Variants in LRRIQ3 observed in about 807,000 individuals in gnomAD.
LRRIQ3 encodes leucine rich repeats and IQ motif containing 3, also known as leucine-rich repeat and IQ domain-containing protein 3.
In LRRIQ3, 75 loss-of-function variants were observed where a neutral mutation model predicts 59.3. That is an observed-to-expected ratio of 1.26 (90% confidence interval 1.05 to 1.53). LRRIQ3 has a LOEUF of 1.53. Ranked by LOEUF, LRRIQ3 falls within the 40% of genes most tolerant of loss-of-function variation. The probability of loss-of-function intolerance (pLI) is 0.00; values close to 1 mark genes in which losing one functional copy is unlikely to be tolerated. For synonymous variants in LRRIQ3, 250 were observed against 231.3 expected (o/e 1.08, Z -0.73); for missense variants, 831 against 710.0 (o/e 1.17, Z -1.94).
chr1:74,118,685 T>A (rs1180339890), intron 4 of LRRIQ3, among the ~76,000 whole-genome samples: 2 of 151,864 alleles, frequency 1.3e-5, no homozygotes, highest in Non-Finnish European at 2.9e-5. Context: ...AGAAAAAAAA[T>A]ATAGAGATAT....
At chr1:74,078,434 A>G (rs1646233615) in intron 5 of LRRIQ3, among the ~76,000 whole-genome samples, 1 of 152,088 alleles carries the variant, frequency 6.6e-6, no homozygotes, top group African/African-American at 2.4e-5. Flanking sequence ...AAGTAAATTA[A>G]GCAAATGAAG....
chr1:74,162,444 G>C (rs1248664308), intron 3 of LRRIQ3, among the ~76,000 whole-genome samples: 1 of 151,740 alleles, frequency 6.6e-6, no homozygotes, highest in Non-Finnish European at 1.5e-5. Context: ...TAGAATAATA[G>C]AAATTCTATA....
At chr1:74,174,210 T>C (rs1382879901) in intron 3 of LRRIQ3, among the ~76,000 whole-genome samples, 2 of 152,212 alleles carry the variant, frequency 1.3e-5, no homozygotes, top group East Asian at 3.9e-4. Flanking sequence ...CTTCACACTT[T>C]TTTTTTCTTT....
intron 4 of LRRIQ3, among the ~76,000 whole-genome samples, chr1:74,146,348 C>T (rs1451488650): frequency 1.3e-5 from 2 of 152,004 alleles, no homozygotes; most frequent in Admixed American, 1.3e-4. Context: ...TGATATGCCA[C>T]TATATATGTG....
chr1:74,099,021 A>C (rs991844157), intron 5 of LRRIQ3, among the ~76,000 whole-genome samples: 1 of 152,190 alleles, frequency 6.6e-6, no homozygotes, highest in Non-Finnish European at 1.5e-5. Flanking sequence ...AAACACATTC[A>C]AAAGCTAGCA....
At chr1:74,109,089 G>A (rs868025169) in intron 5 of LRRIQ3, 19 of 190,830 alleles carry the variant, frequency 1.0e-4, no homozygotes, top group African/African-American at 4.5e-4. Flanking sequence ...AAATATTTAT[G>A]TTTTCAATCA....
intron 3 of LRRIQ3, among the ~76,000 whole-genome samples, chr1:74,174,169 T>A (rs575369704): frequency 3.3e-5 from 5 of 152,268 alleles, no homozygotes; most frequent in Admixed American, 1.3e-4. Context: ...ATTGTTTTAC[T>A]TGATGGTGTC....
intron 4 of LRRIQ3, among the ~76,000 whole-genome samples, chr1:74,123,147 A>T (rs1646884263): frequency 6.6e-6 from 1 of 151,760 alleles, no homozygotes; most frequent in Admixed American, 6.6e-5. Flanking sequence ...TTATTTACTT[A>T]TTTTTAAATT....
chr1:74,147,610 G>T (rs1647660965), intron 4 of LRRIQ3, among the ~76,000 whole-genome samples: 1 of 152,050 alleles, frequency 6.6e-6, no homozygotes, highest in Non-Finnish European at 1.5e-5. Context: ...AATTTAAAAG[G>T]CATGTATTAT....
At chr1:74,066,001 A>T (rs1488809293) in intron 6 of LRRIQ3, among the ~76,000 whole-genome samples, 2 of 152,056 alleles carry the variant, frequency 1.3e-5, no homozygotes, top group Non-Finnish European at 2.9e-5. Context: ...AACCTGACCA[A>T]CATAGTGAAA....
chr1:74,138,993 A>G (rs905006915), intron 4 of LRRIQ3, among the ~76,000 whole-genome samples: 2 of 151,402 alleles, frequency 1.3e-5, no homozygotes, highest in African/African-American at 4.9e-5. Flanking sequence ...GAACAACATA[A>G]CAAGACCCTG....
chr1:74,098,069 T>C (rs1646473036), intron 5 of LRRIQ3, among the ~76,000 whole-genome samples: 1 of 152,124 alleles, frequency 6.6e-6, no homozygotes, highest in African/African-American at 2.4e-5. Flanking sequence ...TAACCTTAAA[T>C]GTAAATGGGC....
At chr1:74,185,874 G>A (rs926408373) in intron 1 of LRRIQ3, among the ~76,000 whole-genome samples, 49 of 151,308 alleles carry the variant, frequency 3.2e-4, no homozygotes, top group African/African-American at 5.6e-4. Flanking sequence ...ACCCAGGAGC[G>A]TGCACTCCAG....
At chr1:74,170,204 T>G (rs890560955) in intron 3 of LRRIQ3, among the ~76,000 whole-genome samples, 1 of 152,316 alleles carries the variant, frequency 6.6e-6, no homozygotes, top group South Asian at 2.1e-4. Flanking sequence ...GGACTGTTTT[T>G]GCTTTTGTTG....
At position 74,090,052 on chromosome 1, in the gene LRRIQ3, T is replaced by C. The variant is rs569734109; in HGVS notation, c.868-15262A>G. ...ACTATTTCTAGTGGTAACTCAAGAA[T>C]GTAAAAAGAAGCCAAGTAAATATGA... On this transcript the variant is annotated intron_variant, in intron 5 of 7. Transcript: ENST00000354431. Among the ~76,000 whole-genome samples, 28 of 152,170 alleles carry C rather than the reference T, an allele frequency of 1.8e-4. No homozygotes were observed. The South Asian group carries it at 4.6e-3, about 25-fold the overall frequency.
chr1:74,169,939 T>C (rs550415739), intron 3 of LRRIQ3, among the ~76,000 whole-genome samples: 2 of 152,184 alleles, frequency 1.3e-5, no homozygotes, highest in Non-Finnish European at 2.9e-5. Flanking sequence ...TTCATATATC[T>C]TTTTTATGTA....
At chr1:74,161,575 T>G (rs575249934) in intron 3 of LRRIQ3, among the ~76,000 whole-genome samples, 2 of 151,686 alleles carry the variant, frequency 1.3e-5, no homozygotes, top group African/African-American at 4.8e-5. Flanking sequence ...GTAGAAGTGT[T>G]GGAGAAGCAG....
At chr1:74,123,866 T>C (rs950377552) in intron 4 of LRRIQ3, among the ~76,000 whole-genome samples, 37 of 152,000 alleles carry the variant, frequency 2.4e-4, no homozygotes, top group African/African-American at 8.9e-4. Flanking sequence ...TTGTAGATAT[T>C]TGAGGAACAT....
intron 4 of LRRIQ3, among the ~76,000 whole-genome samples, chr1:74,122,762 G>A (rs192868357): frequency 6.6e-6 from 1 of 152,148 alleles, no homozygotes; most frequent in Non-Finnish European, 1.5e-5. Context: ...TCAGGACATA[G>A]GCATGGGCAA....
Sources: gnomAD v4.1 joint callset for allele counts (sites outside exome capture counted in the v4.1 genomes callset) on GRCh38, gnomAD v4.1.1 for gene constraint, MANE v1.5 for transcripts, NCBI Gene and HGNC (gene_info 2026-07-23, HGNC 2026-07-21) for gene names.